The following BABAM2 variants were observed in gnomAD, a reference collection of about 807,000 sequenced individuals.
The protein encoded by BABAM2 is BRISC and BRCA1 A complex member 2, also known as BRISC and BRCA1-A complex member 2.
BABAM2 carries 31 observed loss-of-function variants against 54.7 expected under a neutral mutation model. The observed-to-expected ratio is 0.57, with a 90% CI of 0.43 to 0.77. The LOEUF is 0.77. BABAM2 is among the 30% of genes least tolerant of loss of function. The pLI, the probability that BABAM2 is intolerant of heterozygous loss-of-function variation, is 0.00. For synonymous variants in BABAM2, 167 were observed against 162.9 expected, an observed-to-expected ratio of 1.03 and a Z score of -0.19; for missense variants, 364 against 455.8, an observed-to-expected ratio of 0.80 and a Z score of 1.83.
intron 11 of BABAM2, among the ~76,000 whole-genome samples, chr2:28,317,580 C>G (rs1689668801): frequency 6.6e-6 from 1 of 152,168 alleles, no homozygotes; most frequent in South Asian, 2.1e-4. Context: ...ATCTTCCACT[C>G]TTTTTATTTT....
chr2:28,058,239 A>C (rs7577312), intron 6 of BABAM2, among the ~76,000 whole-genome samples: 2,102 of 152,248 alleles, frequency 0.014, 55 homozygotes, highest in African/African-American at 0.048. Context: ...TTTGGCTAAA[A>C]CGTAGAACTT....
rs116206837 is a variant in BABAM2, at chr2:28,227,576, A to G, written c.681-9626A>G. On this transcript the variant is annotated intron_variant, in intron 7 of 11. Transcript: ENST00000379624. The stretch of plus-strand genomic sequence containing the variant: ...AACCACCTTTTTTCTGGTAGTTTCA[A>G]TAAATGTCTTATCTCCCATACTAGG... Among the ~76,000 whole-genome samples the G allele has an allele frequency of 5.6e-4, 86 of 152,312 alleles. 1 individual carries two copies. The highest frequency in any genetic ancestry group is 9.1e-4 in the Non-Finnish European group (62 of 68,020).
intron 6 of BABAM2, among the ~76,000 whole-genome samples, chr2:28,104,089 C>T (rs970497454): frequency 1.3e-5 from 2 of 152,062 alleles, no homozygotes; most frequent in Non-Finnish European, 2.9e-5. Context: ...CATAAAAACC[C>T]TGGAAGAAAA....
At chr2:28,338,255 T>G (rs1032642377) in intron 11 of BABAM2, among the ~76,000 whole-genome samples, 195 bp from the exon 12 acceptor site, 5 of 152,212 alleles carry the variant, frequency 3.3e-5, no homozygotes. Context: ...CTGAGAGATG[T>G]CACAGTAGTG....
At chr2:28,328,229 C>A (rs1342207934) in intron 11 of BABAM2, among the ~76,000 whole-genome samples, 1 of 152,150 alleles carries the variant, frequency 6.6e-6, no homozygotes, top group African/African-American at 2.4e-5. Context: ...GAGGACAAGG[C>A]AAGACCACGA....
chr2:28,336,059 T>C (rs1308340928), intron 11 of BABAM2, among the ~76,000 whole-genome samples: 2 of 152,112 alleles, frequency 1.3e-5, no homozygotes, highest in Non-Finnish European at 2.9e-5. Flanking sequence ...GGCTGAGAGT[T>C]TGGAGGACAT....
chr2:28,067,158 C>T (rs937663940), intron 6 of BABAM2, among the ~76,000 whole-genome samples: 13 of 152,210 alleles, frequency 8.5e-5, no homozygotes, highest in African/African-American at 3.1e-4. Flanking sequence ...TCTCAAACTC[C>T]TGACCTCAGG....
At chr2:28,014,914 C>T (rs1054798499) in intron 4 of BABAM2, among the ~76,000 whole-genome samples, 6 of 152,070 alleles carry the variant, frequency 3.9e-5, no homozygotes, top group African/African-American at 7.2e-5. Context: ...TCAGAAAGTA[C>T]CAGTGTCTAT....
intron 7 of BABAM2, among the ~76,000 whole-genome samples, chr2:28,198,696 T>A (rs770996162): frequency 2.0e-5 from 3 of 152,068 alleles, no homozygotes; most frequent in Non-Finnish European, 2.9e-5. Context: ...AGAGATTAGA[T>A]CGTATAGTTG....
Position 27,946,236 on chromosome 2 carries a change from T to C in BABAM2, c.205+16328T>C, listed in dbSNP as rs1478330018. ...GTTTTTATTATGAAAAGAATGTTAA[T>C]ATATGTTAATTTTTTTTCTCTGTCT... On this transcript the variant is annotated intron_variant, in intron 3 of 11. Coordinates refer to ENST00000379624, the MANE Select transcript of BABAM2 (RefSeq NM_199191.3). Among the ~76,000 whole-genome samples, 3 of 152,332 alleles carry C rather than the reference T, an allele frequency of 2.0e-5. No individual in the cohort carries two copies. The East Asian group carries it at 5.8e-4, about 29-fold the overall frequency.
intron 10 of BABAM2, among the ~76,000 whole-genome samples, chr2:28,270,023 T>C (rs537180952): frequency 6.6e-6 from 1 of 152,160 alleles, no homozygotes; most frequent in Non-Finnish European, 1.5e-5. Context: ...AGAAACAGGG[T>C]TAAGCCTATT....
chr2:28,170,914 G>A (rs2147849077), intron 7 of BABAM2, among the ~76,000 whole-genome samples: 1 of 152,238 alleles, frequency 6.6e-6, no homozygotes, highest in East Asian at 1.9e-4. Context: ...TTTAAGTAAA[G>A]AACACGGTAT....
chr2:27,999,441 T>C (rs1178539955), intron 4 of BABAM2, among the ~76,000 whole-genome samples: 1 of 152,138 alleles, frequency 6.6e-6, no homozygotes, highest in East Asian at 1.9e-4. Context: ...AGCAAGCCAG[T>C]TGGCTTGGAG....
chr2:28,112,153 C>CTTTCTTTCTTTCTTTCTTTCTTT (rs1558346881), intron 6 of BABAM2, among the ~76,000 whole-genome samples: 1 of 7,926 alleles, frequency 1.3e-4, no homozygotes, highest in Admixed American at 1.4e-3. Flanking sequence ...TTCTTTACCT[C>CTTTCTTTCTTTCTTTCTTTCTTT]CCTCCCTCCC....
intron 1 of BABAM2, among the ~76,000 whole-genome samples, chr2:27,891,581 G>T (rs888236967): frequency 6.6e-6 from 1 of 152,078 alleles, no homozygotes; most frequent in South Asian, 2.1e-4. Flanking sequence ...GCTGCCATGC[G>T]TAAGAGTTAC....
intron 7 of BABAM2, among the ~76,000 whole-genome samples, chr2:28,203,938 G>A (rs1295298042): frequency 1.3e-5 from 2 of 152,168 alleles, no homozygotes; most frequent in Non-Finnish European, 2.9e-5. Context: ...GCCAATGCTT[G>A]TCCTCCTACA....
At chr2:28,020,986 C>CACAA (rs1349385714) in intron 4 of BABAM2, among the ~76,000 whole-genome samples, 5 of 151,570 alleles carry the variant, frequency 3.3e-5, no homozygotes, top group African/African-American at 1.2e-4. Flanking sequence ...CACACACACA[C>CACAA]ACACAAACTA....
Position 28,125,693 on chromosome 2 carries a change from A to G in BABAM2, c.571-3578A>G, listed in dbSNP as rs1165411142. The stretch of plus-strand genomic sequence containing the variant: ...GCTCAGTTTTAATTCTCTATTTAAA[A>G]ATATAAGTTCCACTACTAACAAATG... On this transcript the variant is annotated intron_variant, in intron 6 of 11. Coordinates refer to ENST00000379624, the MANE Select transcript of BABAM2 (RefSeq NM_199191.3). 3.3e-5 allele frequency among the ~76,000 whole-genome samples: 5 copies of G among 152,352 alleles called. No individual in the cohort carries two copies. The East Asian group carries it at 5.8e-4, about 18-fold the overall frequency.
chr2:28,125,347 G>A (rs1669424491), intron 6 of BABAM2, among the ~76,000 whole-genome samples: 1 of 151,912 alleles, frequency 6.6e-6, no homozygotes. Context: ...AGGCTGGAGT[G>A]CAGTGGCACC....
Sources: gnomAD v4.1 joint callset for allele counts (sites outside exome capture counted in the v4.1 genomes callset) on GRCh38, gnomAD v4.1.1 for gene constraint, MANE v1.5 for transcripts, NCBI Gene and HGNC (gene_info 2026-07-23, HGNC 2026-07-21) for gene names.